Variants in TENM1 observed in about 807,000 individuals in gnomAD.
TENM1 encodes teneurin transmembrane protein 1, also known as teneurin-1.
A neutral mutation model predicts 174.8 loss-of-function variants in TENM1; 35 were observed. That is an observed-to-expected ratio of 0.20 (90% CI 0.15 to 0.27). TENM1 has a LOEUF of 0.27. Ranked by LOEUF, TENM1 falls within the 10% of genes least tolerant of loss-of-function variation. The probability of loss-of-function intolerance (pLI) is 1.00; values close to 1 mark genes in which losing one functional copy is unlikely to be tolerated. For synonymous variants in TENM1, 781 were observed against 798.7 expected (o/e 0.98, Z 0.37); for missense variants, 1,633 against 2,130.1 (o/e 0.77, Z 4.59).
the TENM1 span, among the ~76,000 whole-genome samples, chrX:125,108,709 T>A: frequency 9.4e-6 from 1 of 106,478 alleles, no homozygotes; most frequent in African/African-American, 3.5e-5. Context: ...AAAAAAGGGC[T>A]TTAAAAATGA....
the TENM1 span, among the ~76,000 whole-genome samples, chrX:124,974,610 A>G: frequency 5.8e-4 from 64 of 109,929 alleles, no homozygotes; most frequent in Non-Finnish European, 1.0e-3. Context: ...GATTTTTCTG[A>G]ATGAATGTGT....
intron 11 of TENM1, among the ~76,000 whole-genome samples, chrX:124,590,324 T>C (rs986730190): frequency 2.7e-5 from 3 of 110,247 alleles, no homozygotes; most frequent in East Asian, 5.7e-4. Context: ...CAAGCATTCT[T>C]ATACACCAAC....
At chrX:124,747,318 A>G (rs769870900) in intron 3 of TENM1, among the ~76,000 whole-genome samples, 1 of 109,517 alleles carries the variant, frequency 9.1e-6, no homozygotes, top group Admixed American at 9.8e-5. Context: ...AATGAAAAAA[A>G]TTAGCTCATC....
At chrX:125,020,303 C>T in the TENM1 span, among the ~76,000 whole-genome samples, 1 of 111,314 alleles carries the variant, frequency 9.0e-6, no homozygotes, top group Non-Finnish European at 1.9e-5. Flanking sequence ...TCTGTATTCC[C>T]AGTGGCTTCA....
intron 11 of TENM1, among the ~76,000 whole-genome samples, chrX:124,630,314 A>G (rs922026146): frequency 8.9e-6 from 1 of 112,026 alleles, no homozygotes. Flanking sequence ...TCTTGACTCC[A>G]CTATTAACCT....
At chrX:124,437,894 A>G (rs2060860875) in intron 23 of TENM1, among the ~76,000 whole-genome samples, 1 of 111,997 alleles carries the variant, frequency 8.9e-6, no homozygotes, top group Non-Finnish European at 1.9e-5. Context: ...TTCCAAACAC[A>G]CCAACTTTTG....
intron 3 of TENM1, among the ~76,000 whole-genome samples, chrX:124,819,711 A>G (rs755600225): frequency 9.0e-6 from 1 of 111,309 alleles, no homozygotes; most frequent in South Asian, 3.9e-4. Context: ...CAGCACCACG[A>G]AATTGTCAAG....
intron 1 of TENM1, among the ~76,000 whole-genome samples, chrX:124,925,391 A>C (rs1001931449): frequency 9.0e-6 from 1 of 111,398 alleles, no homozygotes; most frequent in African/African-American, 3.3e-5. Flanking sequence ...GCATGATTCC[A>C]CATTGGCAGA....
At chrX:124,531,807 C>G (rs759094276) in intron 15 of TENM1, among the ~76,000 whole-genome samples, 1 of 112,385 alleles carries the variant, frequency 8.9e-6, no homozygotes, top group African/African-American at 3.2e-5. Context: ...GGATTTTGAA[C>G]TAATTCTGGC....
chrX:124,997,782 C>T, the TENM1 span, among the ~76,000 whole-genome samples: 2 of 110,470 alleles, frequency 1.8e-5, no homozygotes, highest in Non-Finnish European at 3.8e-5. Context: ...GACCTGAACA[C>T]AAATTGGGCT....
chrX:124,984,702 G>T, the TENM1 span, among the ~76,000 whole-genome samples: 3 of 111,947 alleles, frequency 2.7e-5, no homozygotes, highest in Non-Finnish European at 5.6e-5. Flanking sequence ...CTAGATAGAA[G>T]CTAACAATGA....
intron 1 of TENM1, among the ~76,000 whole-genome samples, chrX:124,958,724 CCTCAGTTAT>C (rs967106260): frequency 9.0e-6 from 1 of 111,401 alleles, no homozygotes; most frequent in Admixed American, 9.6e-5. Context: ...TCTCTCCAAG[CCTCAGTTAT>C]CTCATCTGTA....
At chrX:124,407,052 T>A (rs2060470922) in intron 25 of TENM1, among the ~76,000 whole-genome samples, 1 of 111,755 alleles carries the variant, frequency 8.9e-6, no homozygotes, top group Non-Finnish European at 1.9e-5. Context: ...ATTAAAACAT[T>A]CTGGAGCCCT....
At chrX:124,586,430 CA>C (rs1219519970) in intron 11 of TENM1, among the ~76,000 whole-genome samples, 1 of 109,387 alleles carries the variant, frequency 9.1e-6, no homozygotes, top group African/African-American at 3.4e-5. Context: ...GAACCAAAGA[CA>C]AAAACCACAT....
intron 11 of TENM1, among the ~76,000 whole-genome samples, chrX:124,638,654 T>A (rs2050938780): frequency 9.0e-6 from 1 of 111,168 alleles, no homozygotes; most frequent in African/African-American, 3.3e-5. Flanking sequence ...GGTCCCAAAC[T>A]ATGTTCCAAA....
intron 11 of TENM1, among the ~76,000 whole-genome samples, chrX:124,578,693 A>C (rs890533379): frequency 6.2e-5 from 7 of 112,020 alleles, no homozygotes; most frequent in African/African-American, 1.9e-4. Flanking sequence ...TGAGTCTCAC[A>C]AAAGCCTCCT....
At chrX:124,458,823 C>T (rs746697115) in intron 22 of TENM1, among the ~76,000 whole-genome samples, 68 of 112,370 alleles carry the variant, frequency 6.1e-4, no homozygotes, top group African/African-American at 2.1e-3. Context: ...TCAGCTTTGC[C>T]ATAAGGCAAA....
At chrX:124,836,161 C>A in intron 3 of TENM1, among the ~76,000 whole-genome samples, 1 of 111,821 alleles carries the variant, frequency 8.9e-6, no homozygotes, top group East Asian at 2.8e-4. Flanking sequence ...TACATCAATT[C>A]TATGGGAGAG....
chrX:124,770,905 T>C (rs1344434207), intron 3 of TENM1, among the ~76,000 whole-genome samples: 1 of 111,642 alleles, frequency 9.0e-6, no homozygotes, highest in Admixed American at 9.5e-5. Flanking sequence ...CACCTACATA[T>C]AGGAAGTACA....
Sources: gnomAD v4.1 joint callset for allele counts (sites outside exome capture counted in the v4.1 genomes callset) on GRCh38, gnomAD v4.1.1 for gene constraint, MANE v1.5 for transcripts, NCBI Gene and HGNC (gene_info 2026-07-23, HGNC 2026-07-21) for gene names.